The following RANBP2 variants were observed in gnomAD, a reference collection of about 807,000 sequenced individuals.
RANBP2 encodes the protein RAN binding protein 2, also known as E3 SUMO-protein ligase RanBP2.
In RANBP2, 57 loss-of-function variants were observed where a neutral mutation model predicts 303.6. The ratio of observed to expected loss-of-function variants is 0.19; its 90% CI spans 0.15 to 0.23. The LOEUF (loss-of-function observed/expected upper bound fraction) is 0.23. Ranked by LOEUF, RANBP2 falls within the 10% of genes least tolerant of loss-of-function variation. The pLI is 1.00. For missense variants in RANBP2, 3,138 were observed against 3,780.8 expected (o/e 0.83, Z 4.46); for synonymous variants, 1,167 against 1,301.5 (o/e 0.90, Z 2.23).
chr2:109,117,626 G>A, the RANBP2 span, among the ~76,000 whole-genome samples: 19 of 152,190 alleles, frequency 1.2e-4, no homozygotes, highest in South Asian at 4.1e-4. Flanking sequence ...GCTCGCGCAC[G>A]GTGCGCTGCA....
the RANBP2 span, among the ~76,000 whole-genome samples, chr2:109,101,884 C>T: frequency 6.6e-6 from 1 of 152,062 alleles, no homozygotes; most frequent in Non-Finnish European, 1.5e-5. Context: ...AAAGTGGATT[C>T]GATAAGTGCT....
the RANBP2 span, among the ~76,000 whole-genome samples, chr2:109,398,192 G>A: frequency 1.3e-5 from 2 of 152,222 alleles, no homozygotes; most frequent in Non-Finnish European, 2.9e-5. Context: ...GGAACCTGCT[G>A]TCATGGAGCA....
the RANBP2 span, among the ~76,000 whole-genome samples, chr2:109,454,629 C>T: frequency 6.6e-6 from 1 of 152,148 alleles, no homozygotes; most frequent in Non-Finnish European, 1.5e-5. Context: ...AATGATCAAT[C>T]CAGTGGATTG....
chr2:109,665,812 TAGTA>T, the RANBP2 span: 1 of 151,972 alleles, frequency 6.6e-6, no homozygotes, highest in Non-Finnish European at 1.5e-5. Flanking sequence ...CATAAATAAA[TAGTA>T]AGAACCTAAG....
the RANBP2 span, among the ~76,000 whole-genome samples, chr2:109,024,581 G>A: frequency 1.3e-5 from 2 of 152,188 alleles, no homozygotes; most frequent in Non-Finnish European, 2.9e-5. Flanking sequence ...TCTGAAGACT[G>A]ATGCCTGAAC....
At chr2:109,225,264 A>G in the RANBP2 span, among the ~76,000 whole-genome samples, 4 of 152,244 alleles carry the variant, frequency 2.6e-5, no homozygotes, top group African/African-American at 9.6e-5. Flanking sequence ...AAGAAGGCTT[A>G]TTAAACACTG....
the RANBP2 span, chr2:109,419,675 T>TTA: frequency 6.5e-7 from 1 of 1,543,302 alleles, no homozygotes; most frequent in East Asian, 2.4e-5. Flanking sequence ...CGGGGTCCTG[T>TTA]GCCTGCAGCC....
At chr2:109,008,132 A>G in the RANBP2 span, among the ~76,000 whole-genome samples, 1 of 152,192 alleles carries the variant, frequency 6.6e-6, no homozygotes, top group African/African-American at 2.4e-5. Context: ...ATTTCCCTCC[A>G]TTCCTTTGGA....
At chr2:109,614,806 C>T in the RANBP2 span, 1 of 1,466,630 alleles carries the variant, frequency 6.8e-7, no homozygotes, top group Non-Finnish European at 9.0e-7. Flanking sequence ...CCCGAGGCCC[C>T]CGACGGCCCT....
chr2:109,393,604 A>T, the RANBP2 span, among the ~76,000 whole-genome samples: 1 of 152,004 alleles, frequency 6.6e-6, no homozygotes, highest in East Asian at 1.9e-4. Flanking sequence ...TTAAACTGTG[A>T]GCACTTGCCC....
the RANBP2 span, chr2:109,616,317 G>C: frequency 2.8e-6 from 1 of 358,732 alleles, no homozygotes; most frequent in Admixed American, 4.6e-5. Context: ...TCCGTTTCTG[G>C]AGACTAGAAA....
the RANBP2 span, among the ~76,000 whole-genome samples, chr2:109,034,861 A>G: frequency 6.6e-6 from 1 of 152,204 alleles, no homozygotes; most frequent in Non-Finnish European, 1.5e-5. Flanking sequence ...TAGATTATCC[A>G]AAAGATTATC....
At chr2:109,530,147 A>G in the RANBP2 span, among the ~76,000 whole-genome samples, 1 of 152,180 alleles carries the variant, frequency 6.6e-6, no homozygotes, top group Non-Finnish European at 1.5e-5. Context: ...AATTCACACA[A>G]CACCAGACAC....
At chr2:109,187,777 A>G in the RANBP2 span, among the ~76,000 whole-genome samples, 1 of 152,232 alleles carries the variant, frequency 6.6e-6, no homozygotes, top group Non-Finnish European at 1.5e-5. Flanking sequence ...ACAGGCACAC[A>G]GGTGGGCTTG....
the RANBP2 span, among the ~76,000 whole-genome samples, chr2:109,103,681 T>C: frequency 6.6e-6 from 1 of 152,342 alleles, no homozygotes; most frequent in South Asian, 2.1e-4. Context: ...ATAGCAAATG[T>C]TTCCTGTTCA....
the RANBP2 span, among the ~76,000 whole-genome samples, chr2:109,653,209 A>G: frequency 6.6e-6 from 1 of 152,042 alleles, no homozygotes; most frequent in African/African-American, 2.4e-5. Context: ...AGCCTGGCCA[A>G]CACAGTGAAA....
chr2:109,002,570 C>T, the RANBP2 span, among the ~76,000 whole-genome samples: 16 of 152,146 alleles, frequency 1.1e-4, no homozygotes, highest in East Asian at 3.9e-4. Flanking sequence ...CTCAGTGCAC[C>T]GAGCCCTTCA....
At chr2:108,912,393 G>A in the RANBP2 span, among the ~76,000 whole-genome samples, 1 of 152,168 alleles carries the variant, frequency 6.6e-6, no homozygotes, top group Non-Finnish European at 1.5e-5. Flanking sequence ...CTCTCCTCCT[G>A]GCCGGGCTTG....
At chr2:109,251,374 T>A in the RANBP2 span, 1 of 641,356 alleles carries the variant, frequency 1.6e-6, no homozygotes, top group Non-Finnish European at 2.9e-6. Flanking sequence ...CATGAGGGAG[T>A]CTGTGCATTC....
Sources: allele counts gnomAD v4.1 joint callset (sites outside exome capture counted in the v4.1 genomes callset), GRCh38; gene constraint gnomAD v4.1.1; transcripts MANE v1.5; gene names NCBI Gene and HGNC (gene_info 2026-07-23, HGNC 2026-07-21).